Variants in LIN7A observed in about 807,000 individuals in gnomAD.
LIN7A encodes the protein lin-7 cell polarity scaffold A, also known as protein lin-7 homolog A.
A neutral mutation model predicts 29.8 loss-of-function variants in LIN7A; 25 were observed. The observed-to-expected ratio is 0.84, with a 90% CI of 0.61 to 1.17. LIN7A has a LOEUF of 1.17. LIN7A is among the 50% of genes most tolerant of loss of function. The pLI is 0.00. For synonymous variants in LIN7A, 118 were observed against 107.5 expected (o/e 1.10, Z -0.60); for missense variants, 239 against 287.0 (o/e 0.83, Z 1.21).
chr12:80,843,487 C>A (rs934700988), intron 4 of LIN7A, among the ~76,000 whole-genome samples: 1 of 152,096 alleles, frequency 6.6e-6, no homozygotes, highest in Non-Finnish European at 1.5e-5. Context: ...TGCTAATTAA[C>A]GTTTGCTAAC....
At chr12:80,892,335 T>C (rs1338134012) in intron 1 of LIN7A, among the ~76,000 whole-genome samples, 1 of 152,188 alleles carries the variant, frequency 6.6e-6, no homozygotes, top group Non-Finnish European at 1.5e-5. Flanking sequence ...TGAGACTGGC[T>C]CAGGAAGGCA....
intron 5 of LIN7A, 151 bp downstream of exon 5, chr12:80,811,314 T>C: frequency 2.2e-6 from 1 of 459,374 alleles, no homozygotes; most frequent in South Asian, 4.6e-5. Flanking sequence ...TTGATTTTGT[T>C]TGGATTATTT....
chr12:80,927,185 G>A (rs1161729888), intron 1 of LIN7A, among the ~76,000 whole-genome samples: 2 of 98,070 alleles, frequency 2.0e-5, no homozygotes, highest in Non-Finnish European at 2.0e-5. Context: ...TTTTTGAGAC[G>A]GAGTCTCGCT....
rs902023965 is a variant in LIN7A at position 80,795,138 on chromosome 12, A to G, written c.*2589T>C. 4 of 152,124 alleles carry G rather than the reference A, an allele frequency of 2.6e-5. No homozygotes were observed. The highest frequency in any genetic ancestry group is 9.7e-5 in the African/African-American group (4 of 41,424). 9.4% of individuals were successfully genotyped at this position (152,124 alleles called of 1,614,324 possible). ...TAATTTGGGACATGTCAGTGGCTCT[A>G]ATATGATCGTTAATAATGAAGATAA... On this transcript the variant is annotated 3_prime_UTR_variant, in exon 6 of 6. Transcript: ENST00000552864.
intron 4 of LIN7A, among the ~76,000 whole-genome samples, chr12:80,817,948 C>A (rs1039392295): frequency 6.6e-6 from 1 of 152,124 alleles, no homozygotes; most frequent in Non-Finnish European, 1.5e-5. Flanking sequence ...TCTGGCAACT[C>A]CTAGCTCAAA....
intron 4 of LIN7A, among the ~76,000 whole-genome samples, chr12:80,814,567 C>A (rs1018770523): frequency 6.6e-6 from 1 of 151,772 alleles, no homozygotes; most frequent in Admixed American, 6.6e-5. Flanking sequence ...ACTGTGTCTG[C>A]GATTCAGTTG....
At chr12:80,908,005 A>AG in intron 1 of LIN7A, among the ~76,000 whole-genome samples, 1 of 152,122 alleles carries the variant, frequency 6.6e-6, no homozygotes, top group South Asian at 2.1e-4. Context: ...ACCAAAACCA[A>AG]GTAAGATAAA....
At chr12:80,914,286 T>G (rs1376243747) in intron 1 of LIN7A, among the ~76,000 whole-genome samples, 6 of 152,218 alleles carry the variant, frequency 3.9e-5, no homozygotes, top group African/African-American at 1.4e-4. Flanking sequence ...CAAAGTATAT[T>G]GTAGCCTACA....
chr12:80,913,884 C>A (rs1417295800), intron 1 of LIN7A, among the ~76,000 whole-genome samples: 1 of 152,064 alleles, frequency 6.6e-6, no homozygotes, highest in Non-Finnish European at 1.5e-5. Context: ...TGAGATTATT[C>A]TCTATCATTA....
At chr12:80,856,801 C>A (rs1873624139) in intron 2 of LIN7A, among the ~76,000 whole-genome samples, 1 of 152,078 alleles carries the variant, frequency 6.6e-6, no homozygotes, top group Non-Finnish European at 1.5e-5. Flanking sequence ...TATCTGACAA[C>A]CAAGTTATTA....
intron 4 of LIN7A, among the ~76,000 whole-genome samples, chr12:80,812,460 A>G (rs1303974784): frequency 4.0e-4 from 6 of 15,138 alleles, no homozygotes; most frequent in African/African-American, 1.1e-3. Context: ...TAAAAAAAAA[A>G]AAAAAAAAAA....
chr12:80,897,759 C>T (rs900065227), intron 1 of LIN7A, among the ~76,000 whole-genome samples: 1 of 152,032 alleles, frequency 6.6e-6, no homozygotes, highest in Non-Finnish European at 1.5e-5. Flanking sequence ...TAGCCAAGAT[C>T]GTGCCACTGC....
intron 1 of LIN7A, among the ~76,000 whole-genome samples, chr12:80,935,258 C>T (rs572738439): frequency 5.7e-4 from 87 of 152,234 alleles, no homozygotes; most frequent in African/African-American, 1.9e-3. Flanking sequence ...GTGATAAATG[C>T]TTTAATGGGG....
rs1341686683 is a variant in LIN7A, at chr12:80,937,734, C to T, written c.-12G>A. On this transcript the variant is annotated 5_prime_UTR_variant, in exon 1 of 6. Transcript: ENST00000552864. The stretch of plus-strand genomic sequence containing the variant: ...CTCGGCTTCAGCATCAGCAACCGCT[C>T]GTAGTGAGAAAAAAAGGAGGAGATT... 8.3e-7 allele frequency: 1 copy of T among 1,211,336 alleles called. No homozygotes were observed. Among genetic ancestry groups the T allele is most frequent in the Non-Finnish European group, 1.1e-6 (1 of 934,524 alleles). 75.0% of individuals were successfully genotyped at this position (1,211,336 alleles called of 1,614,324 possible).
At chr12:80,899,232 C>A (rs1482745129) in intron 1 of LIN7A, among the ~76,000 whole-genome samples, 1 of 152,116 alleles carries the variant, frequency 6.6e-6, no homozygotes, top group Non-Finnish European at 1.5e-5. Flanking sequence ...CATCTATTGA[C>A]ATGATCATAT....
chr12:80,934,463 G>C (rs1878096579), intron 1 of LIN7A, among the ~76,000 whole-genome samples: 2 of 152,086 alleles, frequency 1.3e-5, no homozygotes, highest in South Asian at 4.2e-4. Context: ...CATCCTTTTG[G>C]GGCCCAGCCT....
chr12:80,923,944 G>A (rs1216649479), intron 1 of LIN7A, among the ~76,000 whole-genome samples: 2 of 152,170 alleles, frequency 1.3e-5, no homozygotes, highest in East Asian at 1.9e-4. Context: ...TGTGAAGCTT[G>A]TTGCCTTATA....
At chr12:80,828,485 C>T (rs1482362064) in intron 4 of LIN7A, among the ~76,000 whole-genome samples, 1 of 152,076 alleles carries the variant, frequency 6.6e-6, no homozygotes, top group African/African-American at 2.4e-5. Flanking sequence ...GTAAAAATAG[C>T]AGTGCATTTA....
At chr12:80,902,220 T>G (rs1565922334) in intron 1 of LIN7A, among the ~76,000 whole-genome samples, 1 of 149,210 alleles carries the variant, frequency 6.7e-6, no homozygotes, top group Non-Finnish European at 1.5e-5. Context: ...TCTATGTGTT[T>G]TTTTTTTTTT....
Sources: gnomAD v4.1 joint callset for allele counts (sites outside exome capture counted in the v4.1 genomes callset) on GRCh38, gnomAD v4.1.1 for gene constraint, MANE v1.5 for transcripts, NCBI Gene and HGNC (gene_info 2026-07-23, HGNC 2026-07-21) for gene names.